Variants in TXNDC11 observed in about 807,000 individuals in gnomAD.
TXNDC11 encodes the protein thioredoxin domain-containing protein 11.
In TXNDC11, 68 loss-of-function variants were observed where a neutral mutation model predicts 78.0. The ratio of observed to expected loss-of-function variants is 0.87; its 90% CI spans 0.72 to 1.07. TXNDC11 has a LOEUF of 1.07. TXNDC11 is among the 50% of genes least tolerant of loss of function. The pLI, the probability that TXNDC11 is intolerant of heterozygous loss-of-function variation, is 0.00. For synonymous variants in TXNDC11, 571 were observed against 495.2 expected, an observed-to-expected ratio of 1.15 and a Z score of -2.03; for missense variants, 1,389 against 1,221.8, an observed-to-expected ratio of 1.14 and a Z score of -2.04.
At chr16:11,698,066 G>C in intron 7 of TXNDC11, 59 bp downstream of exon 7, 3 of 1,518,352 alleles carry the variant, frequency 2.0e-6, no homozygotes, top group Non-Finnish European at 2.7e-6. Flanking sequence ...GATGAGAGGA[G>C]CCAGGTAGAT....
At chr16:11,742,119 A>C in intron 1 of TXNDC11, 1 of 262,266 alleles carries the variant, frequency 3.8e-6, no homozygotes, top group Non-Finnish European at 7.2e-6. Flanking sequence ...CTACACCTGA[A>C]GCTTAAGGGG....
intron 11 of TXNDC11, among the ~76,000 whole-genome samples, chr16:11,682,124 G>A (rs944038586): frequency 6.6e-6 from 1 of 152,174 alleles, no homozygotes; most frequent in South Asian, 2.1e-4. Context: ...AATGAAAAAG[G>A]TCTTACTACA....
rs558891955 is a variant in TXNDC11, at chr16:11,742,750, G to A, written c.-20C>T. ...CGACATTACATGCTCCCAGTCGCCG[G>A]CTTTATACCGCCGCCGCCGCCTCGG... On this transcript the variant is annotated 5_prime_UTR_variant, in exon 1 of 12. Coordinates refer to ENST00000283033, the MANE Select transcript of TXNDC11 (RefSeq NM_015914.7). The A allele has an allele frequency of 8.3e-6, 12 of 1,441,354 alleles. No individual in the cohort carries two copies. The South Asian group carries it at 8.6e-5, about 10-fold the overall frequency. 89.3% of individuals were successfully genotyped at this position (1,441,354 alleles called of 1,614,324 possible).
intron 5 of TXNDC11, among the ~76,000 whole-genome samples, chr16:11,712,589 G>A (rs1023034112): frequency 6.6e-6 from 1 of 152,022 alleles, no homozygotes; most frequent in Non-Finnish European, 1.5e-5. Flanking sequence ...ATAAGAAATC[G>A]TACTTCTGAT....
intron 4 of TXNDC11, among the ~76,000 whole-genome samples, chr16:11,726,994 G>C (rs534517522): frequency 6.6e-6 from 1 of 151,406 alleles, no homozygotes; most frequent in Admixed American, 6.6e-5. Flanking sequence ...TGGAGGTTGC[G>C]GTGAGACGAG....
In TXNDC11 at chr16:11,688,389, C is replaced by G; in HGVS notation, c.1957G>C (p.Gly653Arg). Reference sequence around the variant, plus strand: ...GACGGGAACTGGGCAGAGCCACTTCCAATGAGATGCCTTTTCAAGGGACTA... The same window carrying G: ...GACGGGAACTGGGCAGAGCCACTTCGAATGAGATGCCTTTTCAAGGGACTA... The part of the protein sequence containing the change: ...LYSPLKRHLI[G>R]SGSAQFPSQH... Residue 653 changes from glycine to arginine, a missense_variant, in exon 9 of 12, where the codon GGA becomes CGA. Gly to Arg is a moderately radical substitution (Grantham distance 125). Transcript: ENST00000283033. The G allele has an allele frequency of 6.2e-7, 1 of 1,613,972 alleles. No individual in the cohort carries two copies. Among genetic ancestry groups the G allele is most frequent in the Non-Finnish European group, 8.5e-7 (1 of 1,179,882 alleles).
intron 5 of TXNDC11, among the ~76,000 whole-genome samples, chr16:11,704,155 G>A (rs2051111782): frequency 6.6e-6 from 1 of 152,166 alleles, no homozygotes; most frequent in Admixed American, 6.5e-5. Flanking sequence ...AAAGGACCCA[G>A]GAGCCAAGCT....
At chr16:11,700,936 T>C (rs951306480) in intron 5 of TXNDC11, among the ~76,000 whole-genome samples, 1 of 152,148 alleles carries the variant, frequency 6.6e-6, no homozygotes, top group African/African-American at 2.4e-5. Context: ...TCTCAGCTCC[T>C]ACTTTCTGTG....
At chr16:11,682,145 C>T (rs2050440147) in intron 11 of TXNDC11, among the ~76,000 whole-genome samples, 1 of 152,258 alleles carries the variant, frequency 6.6e-6, no homozygotes, top group South Asian at 2.1e-4. Flanking sequence ...TGTTATCCAA[C>T]AGCCTTTTTC....
intron 7 of TXNDC11, among the ~76,000 whole-genome samples, chr16:11,694,440 C>T (rs1597422738): frequency 1.3e-5 from 2 of 151,744 alleles, no homozygotes; most frequent in East Asian, 1.9e-4. Flanking sequence ...TGAGCCACCG[C>T]GCCCGACCAG....
chr16:11,689,872 TATA>T (rs1296676917), intron 8 of TXNDC11: 1 of 152,242 alleles, frequency 6.6e-6, no homozygotes, highest in African/African-American at 2.4e-5. Context: ...GGGAGTAATC[TATA>T]ATATCGACAG....
intron 7 of TXNDC11, among the ~76,000 whole-genome samples, chr16:11,695,414 A>C (rs1017493583): frequency 2.0e-5 from 3 of 152,202 alleles, no homozygotes; most frequent in Non-Finnish European, 4.4e-5. Context: ...TCAACAATGC[A>C]AGCATCCTCA....
intron 1 of TXNDC11, among the ~76,000 whole-genome samples, chr16:11,739,518 G>C (rs139492541): frequency 1.1e-4 from 16 of 151,968 alleles, no homozygotes; most frequent in African/African-American, 3.9e-4. Context: ...CTCCAGCCGG[G>C]GCAACATAGA....
At chr16:11,714,803 T>G (rs1379492452) in intron 5 of TXNDC11, among the ~76,000 whole-genome samples, 2 of 152,152 alleles carry the variant, frequency 1.3e-5, no homozygotes, top group African/African-American at 4.8e-5. Flanking sequence ...GGAATCAAAG[T>G]TCTTCCTCCA....
At chr16:11,737,165 G>T (rs2052245476) in intron 1 of TXNDC11, among the ~76,000 whole-genome samples, 1 of 152,162 alleles carries the variant, frequency 6.6e-6, no homozygotes, top group African/African-American at 2.4e-5. Flanking sequence ...AAGTAAAGGA[G>T]ACCAGGCGTG....
chr16:11,693,706 T>C (rs1031881805), intron 7 of TXNDC11, among the ~76,000 whole-genome samples: 8 of 152,208 alleles, frequency 5.3e-5, no homozygotes, highest in African/African-American at 1.2e-4. Flanking sequence ...CTTTAGATGA[T>C]AGGCCAGTGC....
intron 5 of TXNDC11, 35 bp from the exon 6 acceptor site, chr16:11,700,599 G>A (rs538587552): frequency 4.1e-5 from 45 of 1,084,736 alleles, no homozygotes; most frequent in Non-Finnish European, 6.1e-5. Context: ...TAAAGAAAAG[G>A]CCTGTGCCTT....
intron 5 of TXNDC11, among the ~76,000 whole-genome samples, chr16:11,716,083 C>T (rs558308463): frequency 6.0e-4 from 91 of 152,242 alleles, no homozygotes; most frequent in South Asian, 1.2e-3. Context: ...GATAAACAAA[C>T]ACAAACACAG....
At chr16:11,729,288 C>T (rs2141108257) in intron 4 of TXNDC11, among the ~76,000 whole-genome samples, 1 of 152,290 alleles carries the variant, frequency 6.6e-6, no homozygotes, top group Non-Finnish European at 1.5e-5. Flanking sequence ...TTAATATAGC[C>T]CTCACCCACC....
Sources: allele counts gnomAD v4.1 joint callset (sites outside exome capture counted in the v4.1 genomes callset), GRCh38; gene constraint gnomAD v4.1.1; transcripts MANE v1.5; gene names NCBI Gene and HGNC (gene_info 2026-07-23, HGNC 2026-07-21).